PPFIA4: variants seen among roughly 807,000 people sequenced by gnomAD.
PPFIA4 encodes the protein liprin-alpha-4.
A neutral mutation model predicts 145.7 loss-of-function variants in PPFIA4; 98 were observed. That is an observed-to-expected ratio of 0.67 (90% confidence interval 0.57 to 0.80). PPFIA4 has a LOEUF of 0.80. PPFIA4 is among the 30% of genes least tolerant of loss of function. The probability of loss-of-function intolerance (pLI) is 0.00; values close to 1 mark genes in which losing one functional copy is unlikely to be tolerated. For missense variants in PPFIA4, 1,457 were observed against 1,632.7 expected, an observed-to-expected ratio of 0.89 and a Z score of 1.85; for synonymous variants, 628 against 649.6, an observed-to-expected ratio of 0.97 and a Z score of 0.51.
rs1661270842 is a variant in PPFIA4 at position 203,060,282 on chromosome 1, C to G, written c.2649C>G (p.Ile883Met). The change falls in exon 22 of 30, where the codon ATC (isoleucine) becomes ATG (methionine). Residue 883 changes from isoleucine to methionine, a missense_variant. Around this residue, in one of 3 missense-constraint regions of PPFIA4, gnomAD observed 848 missense variants for 1,046.7 expected, o/e 0.81. Transcript: ENST00000295706. This position sits in a 1 kb window ranked among gnomAD's most constrained non-coding sequence, Gnocchi z 4.8. ...ACRANVKSGA[I>M]MSALSDTEIQ... ...GGGCCAACGTCAAGAGTGGTGCCATCATGTCCGCTCTGTCGGACACAGAGA... is the reference window on the plus strand; with the variant it reads ...GGGCCAACGTCAAGAGTGGTGCCATGATGTCCGCTCTGTCGGACACAGAGA... The G allele has an allele frequency of 6.2e-7, 1 of 1,614,134 alleles. No homozygotes were observed. Among genetic ancestry groups the G allele is most frequent in the African/African-American group, 1.3e-5 (1 of 75,064 alleles).
At chr1:203,071,606 G>A (rs1402088221) in intron 27 of PPFIA4, 86 bp from the exon 28 acceptor site, 1 of 1,094,834 alleles carries the variant, frequency 9.1e-7, no homozygotes, top group African/African-American at 1.6e-5. Context: ...TCTGACCTTG[G>A]ACCCTTGGAA....
rs1661263568 is a variant in PPFIA4 at position 203,060,203 on chromosome 1, C to T, written c.2584-14C>T. 6.2e-7 allele frequency: 1 copy of T among 1,612,686 alleles called. No homozygotes were observed. Among genetic ancestry groups the T allele is most frequent in the Non-Finnish European group, 8.5e-7 (1 of 1,179,464 alleles). ...CCAGGCCTTGAATTACCTCCCTGTG[C>T]CCGGTGTCTGCAGCTCTGGGTGGGG... On this transcript the variant is annotated splice_polypyrimidine_tract_variant and intron_variant, in intron 21 of 29. Transcript: ENST00000295706. This position sits in a 1 kb window ranked among gnomAD's most constrained non-coding sequence, Gnocchi z 4.8.
intron 24 of PPFIA4, chr1:203,063,531 A>G (rs747002918): frequency 6.3e-5 from 20 of 319,826 alleles, no homozygotes; most frequent in Middle Eastern, 9.9e-4. Context: ...CCCAGAGTCA[A>G]CAGGAAGGAT....
intron 7 of PPFIA4, 117 bp downstream of exon 7, chr1:203,045,676 T>TG (rs1419763643): frequency 3.5e-6 from 5 of 1,447,006 alleles, no homozygotes; most frequent in East Asian, 2.5e-5. Context: ...GCTCCATTGT[T>TG]GGGGGGCGGT....
chr1:203,042,827 C>T (rs569037682), intron 2 of PPFIA4, among the ~76,000 whole-genome samples: 6 of 152,222 alleles, frequency 3.9e-5, no homozygotes, highest in African/African-American at 1.4e-4. Flanking sequence ...TTAGTCGAGA[C>T]AGGGTTTCAC....
chr1:203,043,505 G>T lies in PPFIA4; in HGVS notation c.336+7G>T. The T allele has an allele frequency of 6.2e-7, 1 of 1,603,830 alleles. No individual in the cohort carries two copies. The highest frequency in any genetic ancestry group is 8.5e-7 in the Non-Finnish European group (1 of 1,175,242). On this transcript the variant is annotated splice_region_variant and intron_variant, in intron 3 of 29. Transcript: ENST00000295706. This position sits in a 1 kb window ranked among gnomAD's most constrained non-coding sequence, Gnocchi z 4.4. ...AGAACGGAATAACACACGGGTAAGTGGGGATGACCTTGTGTCGCGCGCGCG... is the reference window on the plus strand; with the variant it reads ...AGAACGGAATAACACACGGGTAAGTTGGGATGACCTTGTGTCGCGCGCGCG...
intron 16 of PPFIA4, 106 bp from the exon 17 acceptor site, chr1:203,056,014 G>A: frequency 8.8e-7 from 1 of 1,132,988 alleles, no homozygotes; most frequent in Non-Finnish European, 1.3e-6. Flanking sequence ...GCCTGTGTGA[G>A]GCACTGAATC....
intron 27 of PPFIA4, among the ~76,000 whole-genome samples, chr1:203,069,265 T>C (rs1038896639): frequency 6.6e-6 from 1 of 152,242 alleles, no homozygotes; most frequent in Non-Finnish European, 1.5e-5. Context: ...CCTTTCTAAC[T>C]TCCTGTGGGT....
rs759266677 is a variant in PPFIA4 at position 203,059,216 on chromosome 1, A to G, written c.2446A>G (p.Met816Val). 6.4e-7 allele frequency: 1 copy of G among 1,556,238 alleles called. No homozygotes were observed. The highest frequency in any genetic ancestry group is 1.2e-5 in the South Asian group (1 of 85,202). ...TDSEFSMQEPMVPAKLGTQAE... is the reference protein window; with the variant it reads ...TDSEFSMQEPVVPAKLGTQAE... The stretch of plus-strand genomic sequence containing the variant: ...CTCCGAATTCAGTATGCAGGAGCCT[A>G]TGGTGCCTGCCAAGCTGGGGACCCA... Residue 816 changes from methionine to valine, a missense_variant, in exon 20 of 30, where the codon ATG (methionine) becomes GTG (valine). Met to Val is a conservative substitution (Grantham distance 21). Coordinates refer to ENST00000295706, the MANE Select transcript of PPFIA4 (RefSeq NM_001304331.2).
At chr1:203,071,582 T>C (rs1032862924) in intron 27 of PPFIA4, 110 bp from the exon 28 acceptor site, 23 of 835,172 alleles carry the variant, frequency 2.8e-5, no homozygotes, top group Non-Finnish European at 4.2e-5. Flanking sequence ...CTAAATGCAC[T>C]GGAGCCTTGC....
Position 203,049,012 on chromosome 1 carries a change from G to T in PPFIA4, c.1419+32G>T, listed in dbSNP as rs573427430. ...GGCTGCGGCCAGCCCCGCCCAGCCT[G>T]GGAGGGCCGGGTTGCAGGGAGGAAA... On this transcript the variant is annotated intron_variant, in intron 12 of 29. Transcript: ENST00000295706. The T allele has an allele frequency of 1.8e-5, 28 of 1,545,558 alleles. No individual in the cohort carries two copies. In the African/African-American group the frequency reaches 2.2e-4, roughly 12 times the overall value.
Position 203,075,980 on chromosome 1 carries a change from G to C in PPFIA4, c.3574+223G>C. 1.9e-6 allele frequency: 1 copy of C among 538,738 alleles called. No individual in the cohort carries two copies. Among genetic ancestry groups the C allele is most frequent in the Non-Finnish European group, 3.1e-6 (1 of 323,778 alleles). The allele number at this position is 538,738 out of a possible 1,614,324, so 33.4% of individuals were successfully genotyped here. ...CGACTTCTCCCAGCTGGGACGGCGGGGTCGCAGAGACTGGAGACCTCCACG... is the reference window on the plus strand; with the variant it reads ...CGACTTCTCCCAGCTGGGACGGCGGCGTCGCAGAGACTGGAGACCTCCACG... On this transcript the variant is annotated intron_variant, in intron 29 of 29. Transcript: ENST00000295706. This position sits in a 1 kb window ranked among gnomAD's most constrained non-coding sequence, Gnocchi z 4.1.
At chr1:203,041,322 TG>T (rs1180683998) in intron 2 of PPFIA4, among the ~76,000 whole-genome samples, 1 of 152,164 alleles carries the variant, frequency 6.6e-6, no homozygotes, top group Admixed American at 6.5e-5. Context: ...CTGGGTGCAG[TG>T]CCTCACTCCT....
intron 25 of PPFIA4, 59 bp from the exon 26 acceptor site, chr1:203,067,636 C>T (rs1459675343): frequency 7.0e-7 from 1 of 1,436,546 alleles, no homozygotes; most frequent in South Asian, 1.1e-5. Context: ...GGATGTGAGA[C>T]AGGTGGTGTG....
chr1:203,039,212 C>T lies in PPFIA4; in HGVS notation c.204C>T (p.Leu68=), dbSNP rs772482985. The change falls in exon 2 of 30, where the codon CTC becomes CTT. Residue 68 remains leucine, a synonymous_variant. Coordinates refer to ENST00000295706, the MANE Select transcript of PPFIA4 (RefSeq NM_001304331.2). ...ATGCCATACACGAGCGGGACCAGCT[C>T]CAGCGCCACCTTAACTCCGCCCTCC... is the stretch of plus-strand genomic sequence containing the variant. ...LQDAIHERDQ[L]QRHLNSALPQ... The T allele has an allele frequency of 1.2e-6, 2 of 1,601,128 alleles. No individual in the cohort carries two copies. The highest frequency in any genetic ancestry group is 4.5e-5 in the East Asian group (2 of 44,338).
In PPFIA4 at chr1:203,075,828, C is replaced by T. The variant is rs1662494572; in HGVS notation, c.3574+71C>T. 8.3e-6 allele frequency: 11 copies of T among 1,320,820 alleles called. No individual in the cohort carries two copies. Among genetic ancestry groups the T allele is most frequent in the Non-Finnish European group, 1.1e-5 (11 of 1,026,610 alleles). 81.8% of individuals were successfully genotyped at this position (1,320,820 alleles called of 1,614,324 possible). A position where few individuals can be genotyped will look rare whatever the true frequency, so the allele number is the denominator to read the frequency against. On this transcript the variant is annotated intron_variant, in intron 29 of 29. Transcript: ENST00000295706. This position sits in a 1 kb window ranked among gnomAD's most constrained non-coding sequence, Gnocchi z 4.1. ...GGGCTTCTTCCTGGCACCCCAGGGC[C>T]GGGCCGGGTGGAGAGGGGCGAGGCC...
intron 27 of PPFIA4, among the ~76,000 whole-genome samples, chr1:203,070,943 T>C (rs1448107431): frequency 7.0e-6 from 1 of 142,418 alleles, no homozygotes; most frequent in Admixed American, 6.9e-5. Context: ...TGTTCTATGA[T>C]CCCACTTTTT....
chr1:203,075,840 A>G lies in PPFIA4; in HGVS notation c.3574+83A>G. The G allele has an allele frequency of 7.8e-7, 1 of 1,286,418 alleles. No homozygotes were observed. Among genetic ancestry groups the G allele is most frequent in the Admixed American group, 4.0e-5 (1 of 25,084 alleles). 79.7% of individuals were successfully genotyped at this position (1,286,418 alleles called of 1,614,324 possible). A position where few individuals can be genotyped will look rare whatever the true frequency, so the allele number is the denominator to read the frequency against. On this transcript the variant is annotated intron_variant, in intron 29 of 29. Transcript: ENST00000295706. The surrounding 1 kb of genome is among the most constrained non-coding windows in gnomAD (Gnocchi z 4.1). Reference sequence around the variant, plus strand: ...GGCACCCCAGGGCCGGGCCGGGTGGAGAGGGGCGAGGCCGAGGCTGGTGCC... The same window carrying G: ...GGCACCCCAGGGCCGGGCCGGGTGGGGAGGGGCGAGGCCGAGGCTGGTGCC...
At chr1:203,054,943 T>C (rs61111848) in intron 15 of PPFIA4, among the ~76,000 whole-genome samples, 35,940 of 152,124 alleles carry the variant, frequency 0.24, 4,361 homozygotes, top group Middle Eastern at 0.28. Flanking sequence ...TGTGTGTGCG[T>C]GTGCATGCAC....
Sources: gnomAD v4.1 joint callset for allele counts (sites outside exome capture counted in the v4.1 genomes callset) on GRCh38, gnomAD v4.1.1 for gene constraint, gnomAD v4.1.1 regional missense constraint, Gnocchi (gnomAD v3.1) non-coding constraint, MANE v1.5 for transcripts, NCBI Gene and HGNC (gene_info 2026-07-23, HGNC 2026-07-21) for gene names.